Variants in SORBS2 observed in about 807,000 individuals in gnomAD.
SORBS2 encodes the protein sorbin and SH3 domain containing 2.
In SORBS2, 46 loss-of-function variants were observed where a neutral mutation model predicts 97.7. That is an observed-to-expected ratio of 0.47 (90% confidence interval 0.37 to 0.60). The LOEUF (loss-of-function observed/expected upper bound fraction) is 0.60, where lower values mean the gene tolerates loss of function less well. SORBS2 is among the 20% of genes least tolerant of loss of function. SORBS2 has a pLI of 0.00. For missense variants in SORBS2, 1,316 were observed against 1,282.3 expected (o/e 1.03, Z -0.40); for synonymous variants, 476 against 473.4 (o/e 1.01, Z -0.07).
intron 1 of SORBS2, among the ~76,000 whole-genome samples, chr4:185,866,571 C>T (rs1238955391): frequency 6.6e-6 from 1 of 152,168 alleles, no homozygotes; most frequent in African/African-American, 2.4e-5. Context: ...GATTCGCTTG[C>T]TTTAGTTCAA....
Position 185,806,434 on chromosome 4 carries a change from CTATTTT to C in SORBS2, c.-337-31074_-337-31069del, listed in dbSNP as rs2099154094. Among the ~76,000 whole-genome samples, 13 of 108,150 alleles carry C rather than the reference CTATTTT, an allele frequency of 1.2e-4. 2 individuals are homozygous for C. The highest frequency in any genetic ancestry group is 5.8e-4 in the East Asian group (2 of 3,472). The allele number at this position is 108,150 out of a possible 152,430, so 71.0% of individuals were successfully genotyped here. On this transcript the variant is annotated intron_variant, in intron 1 of 20. Transcript: ENST00000284776. ...AGTGGCACAGCTCTTGGCTAGAATC[CTATTTT>C]TTTTTTTTTTTTTTTTTTTTTTTTT...
intron 1 of SORBS2, among the ~76,000 whole-genome samples, chr4:185,824,191 A>G (rs1205303886): frequency 2.0e-5 from 3 of 152,164 alleles, no homozygotes; most frequent in Admixed American, 1.3e-4. Context: ...CTCTCTCTGA[A>G]GGCTCCAGGG....
At chr4:185,950,030 G>A (rs576140700) in intron 1 of SORBS2, among the ~76,000 whole-genome samples, 2 of 152,296 alleles carry the variant, frequency 1.3e-5, no homozygotes, top group Non-Finnish European at 2.9e-5. Context: ...AAGGCGGGCG[G>A]ATCATGAGGT....
intron 2 of SORBS2, among the ~76,000 whole-genome samples, chr4:185,701,211 T>C (rs1046575973): frequency 6.6e-6 from 1 of 152,220 alleles, no homozygotes; most frequent in African/African-American, 2.4e-5. Flanking sequence ...CTTTTGCCAC[T>C]CTTGGAAAAG....
At chr4:185,796,325 C>T (rs1584978127) in intron 1 of SORBS2, among the ~76,000 whole-genome samples, 1 of 152,252 alleles carries the variant, frequency 6.6e-6, no homozygotes, top group South Asian at 2.1e-4. Context: ...CACAGTTGCC[C>T]TGCCATCTGG....
In SORBS2 at chr4:185,622,918, G is replaced by A. The variant is rs542951899; in HGVS notation, c.2211C>T (p.Leu737=). ...AAGAAAGAAAAGCTCATCCACCTTG[G>A]AGTGCACCGCCACGGTCTTGGTGGT... Residue 737 remains leucine, a synonymous_variant, in exon 7 of 15, where the codon CTC becomes CTT. Transcript: ENST00000418609. 5.6e-6 allele frequency: 9 copies of A among 1,604,314 alleles called. No individual in the cohort carries two copies. The Admixed American group carries it at 6.8e-5, about 12-fold the overall frequency.
intron 4 of SORBS2, among the ~76,000 whole-genome samples, chr4:185,670,473 A>G (rs1387406181): frequency 6.6e-6 from 1 of 152,114 alleles, no homozygotes; most frequent in Non-Finnish European, 1.5e-5. Context: ...ACCTTTAGTC[A>G]TTGAGCTTCT....
intron 2 of SORBS2, among the ~76,000 whole-genome samples, chr4:185,713,085 C>G (rs2098437601): frequency 6.6e-6 from 1 of 152,136 alleles, no homozygotes. Context: ...CAGTCACCTC[C>G]CATCTCCCCT....
At chr4:185,611,687 T>TA (rs2096541483) in intron 12 of SORBS2, 93 bp downstream of exon 24, 2 of 952,968 alleles carry the variant, frequency 2.1e-6, no homozygotes, top group Admixed American at 4.0e-5. Context: ...CTGCAATAGA[T>TA]ATGATATTCT....
chr4:185,925,489 C>T (rs1252748758), intron 1 of SORBS2, among the ~76,000 whole-genome samples: 2 of 152,084 alleles, frequency 1.3e-5, no homozygotes, highest in African/African-American at 4.8e-5. Context: ...ACGCATCTCC[C>T]CCCAGAGAGA....
chr4:185,844,073 C>G (rs2099213102), intron 1 of SORBS2, among the ~76,000 whole-genome samples: 1 of 152,134 alleles, frequency 6.6e-6, no homozygotes, highest in Non-Finnish European at 1.5e-5. Context: ...TGGGAGAGAA[C>G]AGAACCCACA....
intron 1 of SORBS2, among the ~76,000 whole-genome samples, chr4:185,655,773 CA>C (rs1459904535): frequency 4.6e-5 from 7 of 152,086 alleles, no homozygotes; most frequent in Admixed American, 3.9e-4. Context: ...TGAAACTAAC[CA>C]GGCAAAGTCT....
chr4:185,903,202 C>A (rs1197837180), intron 1 of SORBS2, among the ~76,000 whole-genome samples: 2 of 152,002 alleles, frequency 1.3e-5, no homozygotes, highest in African/African-American at 2.4e-5. Flanking sequence ...GGGGGGCATG[C>A]CATAGGAAAT....
chr4:185,888,883 C>A (rs2099241039), intron 1 of SORBS2, among the ~76,000 whole-genome samples: 1 of 152,236 alleles, frequency 6.6e-6, no homozygotes, highest in Admixed American at 6.5e-5. Flanking sequence ...ATGAGATAAA[C>A]TGAAAATATT....
At chr4:185,817,228 AC>A (rs750270637) in intron 1 of SORBS2, among the ~76,000 whole-genome samples, 81 of 151,246 alleles carry the variant, frequency 5.4e-4, no homozygotes, top group African/African-American at 1.3e-3. Context: ...GAAAAAAAAA[AC>A]CACCCACAAT....
chr4:185,912,097 C>A (rs1232574760), intron 1 of SORBS2, among the ~76,000 whole-genome samples: 4 of 152,144 alleles, frequency 2.6e-5, no homozygotes, highest in South Asian at 4.2e-4. Context: ...TTTTCATTTT[C>A]ATGTATGCAC....
At chr4:185,656,912 C>G in exon 1 of SORBS2, 1 of 1,237,266 alleles carries the variant, frequency 8.1e-7, no homozygotes, top group Non-Finnish European at 1.0e-6. Context: ...GACAGCTTTT[C>G]CTTTCCATGA....
intron 2 of SORBS2, chr4:185,774,085 T>C (rs2098987753): frequency 1.3e-5 from 2 of 152,140 alleles, no homozygotes. Flanking sequence ...ACCAATAAAC[T>C]TTTCTGAAAA....
intron 1 of SORBS2, among the ~76,000 whole-genome samples, chr4:185,879,468 T>C (rs936280083): frequency 8.2e-4 from 125 of 152,296 alleles, no homozygotes; most frequent in Admixed American, 1.4e-3. Context: ...TGAATAGTGC[T>C]GCAATAAACA....
Sources: allele counts gnomAD v4.1 joint callset (sites outside exome capture counted in the v4.1 genomes callset), GRCh38; gene constraint gnomAD v4.1.1; transcripts MANE v1.5; gene names NCBI Gene and HGNC (gene_info 2026-07-23, HGNC 2026-07-21).